Variants in TBX1 observed in about 807,000 individuals in gnomAD.
TBX1 encodes T-box transcription factor 1, also known as T-box transcription factor TBX1.
TBX1 carries 16 observed loss-of-function variants against 40.8 expected under a neutral mutation model. That is an observed-to-expected ratio of 0.39 (90% confidence interval 0.27 to 0.60). The LOEUF (loss-of-function observed/expected upper bound fraction) is 0.60. Among genes scored for constraint, TBX1 ranks in the 20% least tolerant of loss-of-function variants. TBX1 has a pLI of 0.51. For synonymous variants in TBX1, 403 were observed against 336.8 expected, an observed-to-expected ratio of 1.20 and a Z score of -2.15; for missense variants, 755 against 728.5, an observed-to-expected ratio of 1.04 and a Z score of -0.42.
chr22:19,777,698 A>G lies in TBX1; in HGVS notation c.1010-1522A>G, dbSNP rs41297836. On this transcript the variant is annotated intron_variant, in intron 8 of 8. Coordinates refer to the TBX1 transcript ENST00000329705. ...CGTCTCCCCCTCTCCATCCTCTCTC[A>G]GCCCCTTTCACTGGGTTTCAGTGTG... Among the ~76,000 whole-genome samples, 1,500 of 150,808 alleles carry G rather than the reference A, an allele frequency of 9.9e-3. 20 individuals are homozygous for G. Among genetic ancestry groups the G allele is most frequent in the South Asian group, 0.046 (217 of 4,756 alleles).
chr22:19,759,262 G>A (rs373353417), upstream of TBX1, among the ~76,000 whole-genome samples: 1 of 152,246 alleles, frequency 6.6e-6, no homozygotes, highest in Non-Finnish European at 1.5e-5. Flanking sequence ...CAGGGAGCTT[G>A]GAAAGCAAGA....
chr22:19,770,506 G>A (rs1170020134), downstream of TBX1, among the ~76,000 whole-genome samples: 2 of 152,260 alleles, frequency 1.3e-5, no homozygotes, highest in Non-Finnish European at 2.9e-5. Flanking sequence ...CACTGGAGGT[G>A]CAGAGGCAGG....
upstream of TBX1, among the ~76,000 whole-genome samples, chr22:19,757,089 C>G (rs1936503735): frequency 6.6e-6 from 1 of 152,178 alleles, no homozygotes; most frequent in South Asian, 2.1e-4. Flanking sequence ...CCTGGAGGGT[C>G]CCAGCGTTGA....
chr22:19,762,201 C>T (rs536560031), intron 1 of TBX1, among the ~76,000 whole-genome samples: 5 of 152,372 alleles, frequency 3.3e-5, no homozygotes, highest in African/African-American at 9.6e-5. Context: ...GCAGCCCAGC[C>T]GCTGGCTCAG....
At chr22:19,774,075 T>G (rs1329855381) in intron 8 of TBX1, among the ~76,000 whole-genome samples, 1 of 152,228 alleles carries the variant, frequency 6.6e-6, no homozygotes, top group Non-Finnish European at 1.5e-5. Context: ...ATGATGATGA[T>G]TTTAAAAAAC....
rs1239665100 is a variant in TBX1, at chr22:19,761,266, C to T, written c.423C>T (p.Val141=). 1 of 1,561,880 alleles carries T rather than the reference C, an allele frequency of 6.4e-7. No individual in the cohort carries two copies. Among genetic ancestry groups the T allele is most frequent in the Admixed American group, 1.8e-5 (1 of 56,498 alleles). ...ACCAGCTGGGCACCGAGATGATCGT[C>T]ACCAAGGCCGGCAGGTCAGGGCGCC... ...EFNQLGTEMI[V]TKAGRRMFPT... Residue 141 remains valine, a synonymous_variant, in exon 1 of 7, where the codon GTC becomes GTT. Coordinates refer to ENST00000649276, the MANE Select transcript of TBX1 (RefSeq NM_001379200.1).
At chr22:19,783,024 G>C (rs754165105), downstream of TBX1, 1 of 976,902 alleles carries the variant, frequency 1.0e-6, no homozygotes, top group South Asian at 1.3e-5. Flanking sequence ...GACACTTGAA[G>C]GTACTCAGGT....
In TBX1 at chr22:19,777,085, T is replaced by TGTA. The variant is rs41297832; in HGVS notation, c.1010-2133_1010-2132insAGT. Among the ~76,000 whole-genome samples the TGTA allele has an allele frequency of 2.6e-5, 4 of 151,608 alleles. No individual in the cohort carries two copies. In the South Asian group the frequency reaches 6.3e-4, roughly 24 times the overall value. Reference sequence around the variant, plus strand: ...TAATATAATTTAATTATTATTATACTGTTTTAGGGTACATGTGCACAACAT... The same window carrying TGTA: ...TAATATAATTTAATTATTATTATACTGTAGTTTTAGGGTACATGTGCACAACAT... On this transcript the variant is annotated intron_variant, in intron 8 of 8. Transcript: ENST00000329705.
At chr22:19,779,268 A>G (rs1332034979) in exon 9 of TBX1, 1 of 1,614,258 alleles carries the variant, frequency 6.2e-7, no homozygotes, top group South Asian at 1.1e-5. Flanking sequence ...ACGTCTAGGA[A>G]CACACCAGAG....
At chr22:19,765,226 C>G in intron 4 of TBX1, 113 bp downstream of exon 4, 3 of 1,506,074 alleles carry the variant, frequency 2.0e-6, no homozygotes, top group East Asian at 2.3e-5. Context: ...GGCTGTGGTC[C>G]CAGTGGAGCC....
chr22:19,765,376 C>A (rs568316962), intron 4 of TBX1, among the ~76,000 whole-genome samples: 2 of 152,270 alleles, frequency 1.3e-5, no homozygotes, highest in East Asian at 3.9e-4. Context: ...CGAACCATTC[C>A]GGAAACTCCC....
At chr22:19,758,471 C>T (rs983428789), upstream of TBX1, among the ~76,000 whole-genome samples, 9 of 152,206 alleles carry the variant, frequency 5.9e-5, no homozygotes, top group Non-Finnish European at 8.8e-5. Context: ...CAGGCCTTGG[C>T]GTCTGGGATG....
chr22:19,759,289 G>A (rs1389340017), upstream of TBX1, among the ~76,000 whole-genome samples: 1 of 152,234 alleles, frequency 6.6e-6, no homozygotes, highest in East Asian at 1.9e-4. Context: ...TGCACTTCCA[G>A]GGTGCTCCAC....
At chr22:19,780,484 T>C (rs1937129441), downstream of TBX1, among the ~76,000 whole-genome samples, 1 of 152,226 alleles carries the variant, frequency 6.6e-6, no homozygotes. Context: ...TTCTGTTGTA[T>C]GTCTGTACCA....
upstream of TBX1, chr22:19,759,459 G>A (rs1405191206): frequency 7.0e-7 from 1 of 1,424,098 alleles, no homozygotes; most frequent in Non-Finnish European, 9.1e-7. Flanking sequence ...GGCACACGCA[G>A]TCGGAGGCGG....
At chr22:19,778,039 C>T (rs997268464) in intron 8 of TBX1, among the ~76,000 whole-genome samples, 7 of 151,046 alleles carry the variant, frequency 4.6e-5, no homozygotes, top group African/African-American at 7.3e-5. Context: ...GGATTACAGG[C>T]GTGAGCCACC....
At chr22:19,777,597 T>C (rs1291965695) in intron 8 of TBX1, among the ~76,000 whole-genome samples, 1 of 152,154 alleles carries the variant, frequency 6.6e-6, no homozygotes, top group Admixed American at 6.6e-5. Context: ...GGCTGAGTTC[T>C]ACTCTTATAA....
upstream of TBX1, among the ~76,000 whole-genome samples, chr22:19,758,793 G>A (rs1936545621): frequency 6.6e-6 from 1 of 152,212 alleles, no homozygotes; most frequent in Admixed American, 6.5e-5. Flanking sequence ...TGACGCTCGG[G>A]CTCGCGGGCT....
In TBX1 at chr22:19,766,378, CCT is replaced by C. The variant is rs1037168604; in HGVS notation, c.1037-7_1037-6del. On this transcript the variant is annotated splice_polypyrimidine_tract_variant and intron_variant, in intron 6 of 6. Coordinates refer to ENST00000649276, the MANE Select transcript of TBX1 (RefSeq NM_001379200.1). ...CGGCCGGCCGCGCTCACTCCTCGGC[CCT>C]CTCCGCAGACGCGGCTGAGGCCCGG... 1.1e-5 allele frequency: 15 copies of C among 1,315,280 alleles called. No homozygotes were observed. Among genetic ancestry groups the C allele is most frequent in the Non-Finnish European group, 1.4e-5 (14 of 1,032,014 alleles). The allele number at this position is 1,315,280 out of a possible 1,614,324, so 81.5% of individuals were successfully genotyped here.
Sources: allele counts gnomAD v4.1 joint callset (sites outside exome capture counted in the v4.1 genomes callset), GRCh38; gene constraint gnomAD v4.1.1; transcripts MANE v1.5; gene names NCBI Gene and HGNC (gene_info 2026-07-23, HGNC 2026-07-21).